RGS18: variants seen among roughly 807,000 people sequenced by gnomAD.
RGS18 encodes the protein regulator of G-protein signaling 18.
RGS18 carries 22 observed loss-of-function variants against 27.6 expected under a neutral mutation model. That is an observed-to-expected ratio of 0.80 (90% CI 0.57 to 1.14). The LOEUF (loss-of-function observed/expected upper bound fraction) is 1.14. RGS18 is among the 50% of genes most tolerant of loss of function. The pLI is 0.00. For missense variants in RGS18, 299 were observed against 269.6 expected (o/e 1.11, Z -0.76); for synonymous variants, 89 against 84.6 (o/e 1.05, Z -0.29).
Position 192,160,453 on chromosome 1 carries a change from T to C in RGS18, c.283+14T>C, listed in dbSNP as rs777863612. On this transcript the variant is annotated intron_variant, in intron 3 of 4. Transcript: ENST00000367460. ...TTTCCCATAGAGGTTAGTGGTACTT[T>C]CACCAAATACTTTGTGTGCTTAATG... 1.9e-6 allele frequency: 3 copies of C among 1,585,026 alleles called. No homozygotes were observed. In the Admixed American group the frequency reaches 5.0e-5, roughly 27 times the overall value.
intron 3 of RGS18, chr1:192,169,698 T>G (rs1461908835): frequency 6.6e-6 from 1 of 152,190 alleles, no homozygotes; most frequent in Non-Finnish European, 1.5e-5. Context: ...TTTGTTGTCC[T>G]GCTTCCAGTT....
At chr1:192,162,280 T>C (rs2102150658) in intron 3 of RGS18, among the ~76,000 whole-genome samples, 1 of 152,156 alleles carries the variant, frequency 6.6e-6, no homozygotes, top group African/African-American at 2.4e-5. Flanking sequence ...TTCTTTTTTG[T>C]TTTTTTGGTT....
At chr1:192,166,877 A>T (rs949192784) in intron 3 of RGS18, among the ~76,000 whole-genome samples, 3 of 152,192 alleles carry the variant, frequency 2.0e-5, no homozygotes, top group African/African-American at 7.2e-5. Flanking sequence ...GCTGACTTAT[A>T]GAAAGAGATT....
At chr1:192,179,641 TGATA>T (rs1360196786) in intron 3 of RGS18, among the ~76,000 whole-genome samples, 1 of 151,692 alleles carries the variant, frequency 6.6e-6, no homozygotes, top group Non-Finnish European at 1.5e-5. Context: ...AACAAACCAT[TGATA>T]CATTCATCAA....
chr1:192,181,497 C>G (rs773174297), intron 4 of RGS18, 39 bp downstream of exon 4: 1 of 1,358,812 alleles, frequency 7.4e-7, no homozygotes, highest in Non-Finnish European at 9.8e-7. Context: ...TAATTGCTTT[C>G]AAAATTTTTT....
At chr1:192,183,931 G>A (rs1656497735) in intron 4 of RGS18, among the ~76,000 whole-genome samples, 1 of 151,556 alleles carries the variant, frequency 6.6e-6, no homozygotes, top group Non-Finnish European at 1.5e-5. Flanking sequence ...AAGGCAGAGG[G>A]GGAGCAGTTA....
At chr1:192,179,840 G>A (rs1171592983) in intron 3 of RGS18, among the ~76,000 whole-genome samples, 4 of 151,440 alleles carry the variant, frequency 2.6e-5, no homozygotes, top group Non-Finnish European at 5.9e-5. Context: ...GGCTGTAAAA[G>A]GGCAACATGT....
chr1:192,172,852 G>A (rs1171133821), intron 3 of RGS18, among the ~76,000 whole-genome samples: 1 of 110,164 alleles, frequency 9.1e-6, no homozygotes, highest in Non-Finnish European at 2.0e-5. Context: ...ATGCCTTCCT[G>A]AGAAAAATAT....
intron 3 of RGS18, among the ~76,000 whole-genome samples, chr1:192,167,236 C>T (rs16829396): frequency 0.13 from 19,294 of 152,080 alleles, 1,730 homozygotes; most frequent in East Asian, 0.45. Context: ...TGAGTAAAGA[C>T]TACAAGGAAA....
chr1:192,165,431 G>A (rs1044482526), intron 3 of RGS18, among the ~76,000 whole-genome samples: 2 of 152,142 alleles, frequency 1.3e-5, no homozygotes, highest in South Asian at 2.1e-4. Flanking sequence ...TTTGAAGCAT[G>A]TGATCTCTGT....
At chr1:192,177,765 C>A (rs1656381948) in intron 3 of RGS18, among the ~76,000 whole-genome samples, 1 of 151,670 alleles carries the variant, frequency 6.6e-6, no homozygotes, top group Non-Finnish European at 1.5e-5. Context: ...TCAACAGGAG[C>A]TAAAACTAAG....
At position 192,180,692 on chromosome 1, in the gene RGS18, C is replaced by T. The variant is rs914690830; in HGVS notation, c.284-600C>T. Among the ~76,000 whole-genome samples the T allele has an allele frequency of 3.3e-5, 5 of 151,748 alleles. No homozygotes were observed. The South Asian group carries it at 8.3e-4, about 25-fold the overall frequency. The stretch of plus-strand genomic sequence containing the variant: ...ACATGACCTACCACCTTTTTCTCTT[C>T]CCCCATGGTTTGGTTTCACACTGTG... On this transcript the variant is annotated intron_variant, in intron 3 of 4. Transcript: ENST00000367460.
At chr1:192,181,208 T>G (rs1280473111) in intron 3 of RGS18, 84 bp from the exon 4 acceptor site, 2 of 748,388 alleles carry the variant, frequency 2.7e-6, no homozygotes, top group African/African-American at 3.7e-5. Context: ...TCTGTTAATA[T>G]TTGCAATTAT....
intron 4 of RGS18, among the ~76,000 whole-genome samples, chr1:192,183,269 CA>C (rs1338027588): frequency 6.6e-6 from 1 of 151,518 alleles, no homozygotes; most frequent in East Asian, 1.9e-4. Flanking sequence ...TGCTATGATA[CA>C]AGGCATTAAA....
intron 4 of RGS18, among the ~76,000 whole-genome samples, chr1:192,183,411 AT>A (rs1656489245): frequency 6.6e-6 from 1 of 151,728 alleles, no homozygotes; most frequent in African/African-American, 2.4e-5. Flanking sequence ...GCCCCAGCTC[AT>A]TTTTTCCCAT....
In RGS18 at chr1:192,184,703, A is replaced by G. The variant is rs1442117466; in HGVS notation, c.*149A>G. The G allele has an allele frequency of 4.3e-6, 3 of 691,946 alleles. No homozygotes were observed. In the African/African-American group the frequency reaches 5.4e-5, roughly 13 times the overall value. 42.9% of individuals were successfully genotyped at this position (691,946 alleles called of 1,614,324 possible). A position where few individuals can be genotyped will look rare whatever the true frequency, so the allele number is the denominator to read the frequency against. ...AATGTAAAAACAAAACTTTCTGCTA[A>G]CAAAATACATACAGTATCTGCCAGT... On this transcript the variant is annotated 3_prime_UTR_variant, in exon 5 of 5. Coordinates refer to ENST00000367460, the MANE Select transcript of RGS18 (RefSeq NM_130782.3).
chr1:192,160,945 G>T (rs529579897), intron 3 of RGS18, among the ~76,000 whole-genome samples: 1 of 152,012 alleles, frequency 6.6e-6, no homozygotes, highest in Non-Finnish European at 1.5e-5. Flanking sequence ...CTCCGCCTCC[G>T]TTCAGGCCAT....
rs1297751128 is a variant in RGS18, at chr1:192,158,749, A to G, written c.112A>G (p.Lys38Glu). The G allele has an allele frequency of 1.3e-6, 2 of 1,548,340 alleles. No homozygotes were observed. The highest frequency in any genetic ancestry group is 1.7e-6 in the Non-Finnish European group (2 of 1,145,540). ...AAAAGAAGAAACAAGCAAAGAAGCC[A>G]AAATCAGGTAAAATTGTACAATTTT... Reference protein sequence around the residue: ...SGKEETSKEAKIRAKEKRNRL... With the variant: ...SGKEETSKEAEIRAKEKRNRL... Residue 38 changes from lysine to glutamate, a missense_variant, in exon 1 of 5, where the codon AAA becomes GAA. Physicochemically the swap from Lys to Glu is moderately conservative, Grantham distance 56 (BLOSUM62 1). Transcript: ENST00000367460.
intron 3 of RGS18, among the ~76,000 whole-genome samples, chr1:192,175,076 C>T (rs528868696): frequency 2.6e-5 from 4 of 151,878 alleles, no homozygotes; most frequent in African/African-American, 9.6e-5. Flanking sequence ...GTTGCCATGA[C>T]CATCCAATAT....
Sources: allele counts gnomAD v4.1 joint callset (sites outside exome capture counted in the v4.1 genomes callset), GRCh38; gene constraint gnomAD v4.1.1; transcripts MANE v1.5; gene names NCBI Gene and HGNC (gene_info 2026-07-23, HGNC 2026-07-21).